HERC1: variants seen among roughly 807,000 people sequenced by gnomAD.
HERC1 encodes probable E3 ubiquitin-protein ligase HERC1.
A neutral mutation model predicts 554.3 loss-of-function variants in HERC1; 160 were observed. The observed-to-expected ratio is 0.29, with a 90% CI of 0.25 to 0.33. The LOEUF is 0.33. HERC1 is among the 10% of genes least tolerant of loss of function. HERC1 has a pLI of 1.00. For synonymous variants in HERC1, 2,175 were observed against 2,131.7 expected, an observed-to-expected ratio of 1.02 and a Z score of -0.56; for missense variants, 4,919 against 5,918.5, an observed-to-expected ratio of 0.83 and a Z score of 5.54.
intron 12 of HERC1, among the ~76,000 whole-genome samples, chr15:63,739,177 CCAA>C (rs1443256878): frequency 2.7e-5 from 4 of 147,288 alleles, no homozygotes; most frequent in Admixed American, 1.4e-4. Context: ...CTCAAGACCT[CCAA>C]CAACCACTAA....
chr15:63,733,818 C>T (rs1388167422), intron 13 of HERC1, among the ~76,000 whole-genome samples: 1 of 152,010 alleles, frequency 6.6e-6, no homozygotes, highest in East Asian at 1.9e-4. Flanking sequence ...TGCCACTGCA[C>T]TCCAGCCTGG....
intron 39 of HERC1, among the ~76,000 whole-genome samples, chr15:63,671,989 A>G (rs1478044177): frequency 6.6e-6 from 1 of 152,258 alleles, no homozygotes; most frequent in African/African-American, 2.4e-5. Flanking sequence ...TGGAATTTAC[A>G]AACCTATTAA....
At chr15:63,786,184 GC>G (rs1283499004) in intron 1 of HERC1, among the ~76,000 whole-genome samples, 2 of 151,762 alleles carry the variant, frequency 1.3e-5, no homozygotes, top group African/African-American at 4.8e-5. Flanking sequence ...ACTGCTGGAG[GC>G]CAGGAGTTCG....
chr15:63,762,400 T>C (rs1596184972), intron 3 of HERC1, among the ~76,000 whole-genome samples: 1 of 152,190 alleles, frequency 6.6e-6, no homozygotes, highest in African/African-American at 2.4e-5. Flanking sequence ...CTCTACTGAC[T>C]GTAACCTCCA....
chr15:63,617,426 G>A (rs1259771410), intron 74 of HERC1, among the ~76,000 whole-genome samples: 2 of 152,164 alleles, frequency 1.3e-5, no homozygotes, highest in Non-Finnish European at 2.9e-5. Context: ...CATTTGGGTT[G>A]GTTCCAAGTC....
At chr15:63,725,179 C>T in intron 18 of HERC1, 113 bp downstream of exon 18, 1 of 885,336 alleles carries the variant, frequency 1.1e-6, no homozygotes, top group Non-Finnish European at 1.7e-6. Context: ...CCCTACACTG[C>T]TAATGTTGCA....
intron 19 of HERC1, among the ~76,000 whole-genome samples, chr15:63,719,814 AT>A (rs892533866): frequency 5.3e-5 from 8 of 152,328 alleles, no homozygotes; most frequent in African/African-American, 1.9e-4. Context: ...TGTAGTTGGC[AT>A]TTACTGAGAA....
At chr15:63,637,356 C>G in intron 64 of HERC1, 149 bp downstream of exon 64, 1 of 661,028 alleles carries the variant, frequency 1.5e-6, no homozygotes. Context: ...GAAATTAAGG[C>G]TGCACACATG....
chr15:63,736,113 C>T (rs184496752), intron 12 of HERC1, among the ~76,000 whole-genome samples: 1 of 152,070 alleles, frequency 6.6e-6, no homozygotes, highest in Admixed American at 6.6e-5. Context: ...AAGGAACAGA[C>T]AAAGGGTAAC....
chr15:63,620,078 G>A (rs1312064598), intron 74 of HERC1, among the ~76,000 whole-genome samples: 7 of 152,062 alleles, frequency 4.6e-5, no homozygotes, highest in African/African-American at 1.7e-4. Context: ...TCTTTTTATT[G>A]TGATGTTAGG....
At chr15:63,735,331 A>G (rs2074453884) in intron 12 of HERC1, among the ~76,000 whole-genome samples, 1 of 147,064 alleles carries the variant, frequency 6.8e-6, no homozygotes, top group African/African-American at 2.5e-5. Context: ...TCAGGCATTT[A>G]AGAATTACAG....
chr15:63,641,363 C>CT (rs1398281293), intron 60 of HERC1, 107 bp downstream of exon 60: 1 of 918,648 alleles, frequency 1.1e-6, no homozygotes. Context: ...AATAGCCCCA[C>CT]TTATTATCCT....
chr15:63,700,559 A>G (rs1376641990), intron 25 of HERC1, among the ~76,000 whole-genome samples: 1 of 152,096 alleles, frequency 6.6e-6, no homozygotes, highest in Non-Finnish European at 1.5e-5. Context: ...CTATGAAATA[A>G]TTTATATGTA....
chr15:63,754,710 C>T, intron 6 of HERC1, 62 bp from the exon 7 acceptor site: 1 of 1,441,406 alleles, frequency 6.9e-7, no homozygotes, highest in South Asian at 1.4e-5. Context: ...TAGGCCTTGA[C>T]TTCACAAGTA....
chr15:63,610,709 G>A (rs73441916), intron 77 of HERC1, among the ~76,000 whole-genome samples: 180 of 152,358 alleles, frequency 1.2e-3, no homozygotes, highest in African/African-American at 4.2e-3. Context: ...GCACAGGGAG[G>A]AATAGCTTTG....
intron 25 of HERC1, among the ~76,000 whole-genome samples, chr15:63,704,734 A>ATT (rs567922548): frequency 5.1e-4 from 45 of 88,432 alleles, no homozygotes; most frequent in East Asian, 2.8e-3. Context: ...ATACTCTGTA[A>ATT]TTTTTTTTTT....
intron 22 of HERC1, among the ~76,000 whole-genome samples, chr15:63,715,635 C>A (rs2073513277): frequency 1.3e-5 from 2 of 152,166 alleles, no homozygotes; most frequent in African/African-American, 4.8e-5. Flanking sequence ...CATTGCTGAT[C>A]ATGTTTTAGG....
intron 1 of HERC1, among the ~76,000 whole-genome samples, chr15:63,802,728 C>T (rs927889828): frequency 6.6e-6 from 1 of 152,158 alleles, no homozygotes; most frequent in Non-Finnish European, 1.5e-5. Flanking sequence ...ATCAGCACTA[C>T]AACTATCTTT....
intron 70 of HERC1, among the ~76,000 whole-genome samples, chr15:63,627,737 CA>C (rs2068364808): frequency 6.7e-6 from 1 of 149,982 alleles, no homozygotes; most frequent in Non-Finnish European, 1.5e-5. Context: ...ACAAATGTCA[CA>C]ACATTAAGGT....
Sources: gnomAD v4.1 joint callset for allele counts (sites outside exome capture counted in the v4.1 genomes callset) on GRCh38, gnomAD v4.1.1 for gene constraint, MANE v1.5 for transcripts, NCBI Gene and HGNC (gene_info 2026-07-23, HGNC 2026-07-21) for gene names.